MAPK10: variants seen among roughly 807,000 people sequenced by gnomAD.
The protein encoded by MAPK10 is mitogen-activated protein kinase 10.
MAPK10 carries 25 observed loss-of-function variants against 59.3 expected under a neutral mutation model. The observed-to-expected ratio is 0.42, with a 90% CI of 0.31 to 0.59. MAPK10 has a LOEUF of 0.59. MAPK10 is among the 20% of genes least tolerant of loss of function. MAPK10 has a pLI of 0.15. For missense variants in MAPK10, 351 were observed against 568.9 expected, an observed-to-expected ratio of 0.62 and a Z score of 3.90; for synonymous variants, 190 against 200.5, an observed-to-expected ratio of 0.95 and a Z score of 0.44.
chr4:86,372,564 G>GAAAGAAAAAGA (rs1554253766), intron 1 of MAPK10, among the ~76,000 whole-genome samples: 5 of 78,690 alleles, frequency 6.4e-5, no homozygotes, highest in East Asian at 3.4e-4. Flanking sequence ...AAGAAAGAAA[G>GAAAGAAAAAGA]AAAGAAAAGA....
In MAPK10 at chr4:86,325,061, T is replaced by G. The variant is rs140377305; in HGVS notation, c.-7+29469A>C. 9.5e-3 allele frequency among the ~76,000 whole-genome samples: 1,454 copies of G among 152,292 alleles called. 21 individuals are homozygous for G. Among genetic ancestry groups the G allele is most frequent in the African/African-American group, 0.033 (1,354 of 41,562 alleles). ...AGAGATTTCAATTTAGTTTCTAATTTCCAACTCTCTCTCTGTTATAAATTT... is the reference window on the plus strand; with the variant it reads ...AGAGATTTCAATTTAGTTTCTAATTGCCAACTCTCTCTCTGTTATAAATTT... On this transcript the variant is annotated intron_variant, in intron 2 of 13. Coordinates refer to ENST00000641462, the MANE Select transcript of MAPK10 (RefSeq NM_138982.4).
chr4:86,390,769 T>A (rs780153375), intron 1 of MAPK10, among the ~76,000 whole-genome samples: 8 of 152,174 alleles, frequency 5.3e-5, no homozygotes, highest in Non-Finnish European at 8.8e-5. Context: ...ACACATCCAA[T>A]CGTGAAGGTC....
chr4:86,111,540 C>A (rs912126174), intron 4 of MAPK10, among the ~76,000 whole-genome samples: 1 of 152,050 alleles, frequency 6.6e-6, no homozygotes, highest in African/African-American at 2.4e-5. Context: ...TATTGATTTG[C>A]GTATGTTAAA....
chr4:86,562,109 A>T (rs1339624801), intron 1 of MAPK10, among the ~76,000 whole-genome samples: 1 of 152,176 alleles, frequency 6.6e-6, no homozygotes, highest in Non-Finnish European at 1.5e-5. Context: ...TAATTCTAGT[A>T]CTTTGGGAAG....
At chr4:86,328,995 G>C (rs187593723) in intron 2 of MAPK10, among the ~76,000 whole-genome samples, 2 of 152,018 alleles carry the variant, frequency 1.3e-5, no homozygotes, top group Admixed American at 1.3e-4. Context: ...TTCTGCACAT[G>C]TATCCCGGGA....
At chr4:86,584,992 A>G (rs960541328) in intron 1 of MAPK10, among the ~76,000 whole-genome samples, 3 of 152,124 alleles carry the variant, frequency 2.0e-5, no homozygotes, top group African/African-American at 7.2e-5. Context: ...TCCAACTTTT[A>G]ATCCAATTCA....
At chr4:86,293,786 C>G (rs566223699) in intron 2 of MAPK10, among the ~76,000 whole-genome samples, 1 of 152,106 alleles carries the variant, frequency 6.6e-6, no homozygotes, top group Admixed American at 6.6e-5. Flanking sequence ...TTTAAATGAC[C>G]AGATCTCAAA....
At chr4:86,540,165 T>G (rs1186473931) in intron 1 of MAPK10, among the ~76,000 whole-genome samples, 4 of 152,222 alleles carry the variant, frequency 2.6e-5, no homozygotes, top group South Asian at 2.1e-4. Context: ...TTTTAACTCA[T>G]AGCAGGCTTA....
chr4:86,054,463 A>G (rs2044164894), intron 11 of MAPK10, among the ~76,000 whole-genome samples: 1 of 152,118 alleles, frequency 6.6e-6, no homozygotes, highest in African/African-American at 2.4e-5. Context: ...TTTTCTCTGG[A>G]AGGCAATTAG....
At chr4:86,220,274 G>A (rs1330119459) in intron 2 of MAPK10, among the ~76,000 whole-genome samples, 2 of 152,222 alleles carry the variant, frequency 1.3e-5, no homozygotes, top group East Asian at 3.9e-4. Flanking sequence ...TGACTGGCCT[G>A]TATGGAGCCA....
chr4:86,548,302 G>C (rs986326885), intron 1 of MAPK10, among the ~76,000 whole-genome samples: 2 of 151,958 alleles, frequency 1.3e-5, no homozygotes, highest in Non-Finnish European at 2.9e-5. Context: ...CCCACCAGAA[G>C]GAAGAAACTC....
chr4:86,465,376 CAT>C (rs1223498839), intron 1 of MAPK10, among the ~76,000 whole-genome samples: 16 of 152,292 alleles, frequency 1.1e-4, no homozygotes, highest in Admixed American at 7.8e-4. Flanking sequence ...CCTGGTATCA[CAT>C]ATAATTCTCA....
chr4:86,437,575 T>C (rs1748916459), intron 1 of MAPK10, among the ~76,000 whole-genome samples: 1 of 152,334 alleles, frequency 6.6e-6, no homozygotes, highest in East Asian at 1.9e-4. Flanking sequence ...TCCTTTACTG[T>C]TGTGTCTTTG....
intron 1 of MAPK10, among the ~76,000 whole-genome samples, chr4:86,464,099 A>C (rs1358260995): frequency 1.3e-5 from 2 of 152,244 alleles, no homozygotes; most frequent in Non-Finnish European, 2.9e-5. Flanking sequence ...TCCCTCATGA[A>C]GGCACAAATA....
chr4:86,100,970 A>G, intron 8 of MAPK10, 82 bp downstream of exon 8: 1 of 1,262,668 alleles, frequency 7.9e-7, no homozygotes, highest in Non-Finnish European at 1.1e-6. Flanking sequence ...ATGTACATAA[A>G]AGAGAACATT....
At chr4:86,194,515 C>T (rs920538053) in intron 2 of MAPK10, 108 bp from the exon 3 acceptor site, 1 of 709,380 alleles carries the variant, frequency 1.4e-6, no homozygotes, top group African/African-American at 1.7e-5. Flanking sequence ...CCATGCACAA[C>T]ATATCTCCAA....
intron 2 of MAPK10, among the ~76,000 whole-genome samples, chr4:86,279,596 GAC>G (rs1270524224): frequency 6.6e-6 from 1 of 152,168 alleles, no homozygotes; most frequent in African/African-American, 2.4e-5. Context: ...AATAGTTGAA[GAC>G]AGAGTACTGT....
At chr4:86,054,182 A>T (rs182952882) in intron 11 of MAPK10, among the ~76,000 whole-genome samples, 4 of 152,346 alleles carry the variant, frequency 2.6e-5, no homozygotes, top group Admixed American at 6.5e-5. Flanking sequence ...CAATGAATTA[A>T]AATTAAGATG....
chr4:86,140,077 T>C (rs62305534), intron 4 of MAPK10, among the ~76,000 whole-genome samples: 73,841 of 100,180 alleles, frequency 0.74, 28,338 homozygotes, highest in East Asian at 0.86. Context: ...ACTTTTACAC[T>C]GTTGGTGGGA....
Sources: gnomAD v4.1 joint callset for allele counts (sites outside exome capture counted in the v4.1 genomes callset) on GRCh38, gnomAD v4.1.1 for gene constraint, MANE v1.5 for transcripts, NCBI Gene and HGNC (gene_info 2026-07-23, HGNC 2026-07-21) for gene names.